MBOAT2: variants seen among roughly 807,000 people sequenced by gnomAD.
The protein encoded by MBOAT2 is membrane bound glycerophospholipid O-acyltransferase 2, also known as membrane-bound glycerophospholipid O-acyltransferase 2.
MBOAT2 carries 28 observed loss-of-function variants against 63.4 expected under a neutral mutation model. That is an observed-to-expected ratio of 0.44 (90% CI 0.33 to 0.61). The LOEUF is 0.61. MBOAT2 is among the 20% of genes least tolerant of loss of function. The pLI, the probability that MBOAT2 is intolerant of heterozygous loss-of-function variation, is 0.03. For missense variants in MBOAT2, 470 were observed against 605.8 expected, an observed-to-expected ratio of 0.78 and a Z score of 2.35; for synonymous variants, 211 against 215.6, an observed-to-expected ratio of 0.98 and a Z score of 0.19.
chr2:8,887,879 A>T (rs1175404858), intron 5 of MBOAT2, 139 bp downstream of exon 5: 3 of 791,360 alleles, frequency 3.8e-6, no homozygotes, highest in Admixed American at 2.1e-5. Context: ...CATAATCCTA[A>T]GCACAGTTAA....
At position 8,974,263 on chromosome 2, in the gene MBOAT2, T is replaced by C. The variant is rs541451211; in HGVS notation, c.76-15621A>G. The C allele has an allele frequency of 4.5e-4, 192 of 424,012 alleles. 1 individual carries two copies. Among genetic ancestry groups the C allele is most frequent in the South Asian group, 3.0e-3 (182 of 60,324 alleles). 26.3% of individuals were successfully genotyped at this position (424,012 alleles called of 1,614,324 possible). On this transcript the variant is annotated intron_variant, in intron 1 of 12. Transcript: ENST00000305997. ...TCACCAACAACTAATTCTGGGAATG[T>C]AACTGTGCTGCAATTCTGTTCAATG...
At chr2:8,902,867 G>T (rs1184124934) in intron 4 of MBOAT2, among the ~76,000 whole-genome samples, 1 of 152,182 alleles carries the variant, frequency 6.6e-6, no homozygotes, top group Non-Finnish European at 1.5e-5. Context: ...GACACAAGTG[G>T]GTTGCTGCTG....
At chr2:8,967,165 T>G (rs1670052887) in intron 1 of MBOAT2, among the ~76,000 whole-genome samples, 1 of 152,048 alleles carries the variant, frequency 6.6e-6, no homozygotes, top group Non-Finnish European at 1.5e-5. Context: ...GACATGAAAA[T>G]GACAATCACT....
chr2:8,923,959 T>G (rs1666760662), intron 3 of MBOAT2, among the ~76,000 whole-genome samples: 1 of 152,168 alleles, frequency 6.6e-6, no homozygotes, highest in Non-Finnish European at 1.5e-5. Context: ...AAACATTATT[T>G]CTGTGGGAGG....
At chr2:8,943,089 A>T in intron 3 of MBOAT2, 98 bp downstream of exon 3, 1 of 650,994 alleles carries the variant, frequency 1.5e-6, no homozygotes, top group Non-Finnish European at 2.4e-6. Context: ...AATTATCACA[A>T]TTCATAATTA....
At position 8,862,705 on chromosome 2, in the gene MBOAT2, G is replaced by T. The variant is rs779729146; in HGVS notation, c.1070C>A (p.Thr357Asn). The T allele has an allele frequency of 1.4e-5, 23 of 1,613,782 alleles. No individual in the cohort carries two copies. Among genetic ancestry groups the T allele is most frequent in the Non-Finnish European group, 1.9e-5 (23 of 1,179,878 alleles). The change falls in exon 11 of 13, where the codon ACC becomes AAC. Residue 357 changes from threonine to asparagine, a missense_variant. Physicochemically the swap from Thr to Asn is moderately conservative, Grantham distance 65. Around this residue, in one of 3 missense-constraint regions of MBOAT2, gnomAD observed 376 missense variants for 503.8 expected, o/e 0.75. Coordinates refer to ENST00000305997, the MANE Select transcript of MBOAT2 (RefSeq NM_138799.4). This position sits in a 1 kb window ranked among gnomAD's most constrained non-coding sequence, Gnocchi z 4.3. ...LWLKRVCYER[T>N]SFSPTIQTFI... is the part of the protein sequence containing the mutation. ...CGTCTGGATAGTTGGACTGAAGGAG[G>T]TTCGTTCATAACACACCCTAGAAAC...
chr2:8,972,560 C>G (rs1670525903), intron 1 of MBOAT2, among the ~76,000 whole-genome samples: 1 of 152,160 alleles, frequency 6.6e-6, no homozygotes, highest in Non-Finnish European at 1.5e-5. Context: ...GCAAAAGAAA[C>G]TACCATCAGA....
chr2:8,929,328 T>C (rs1371015526), intron 3 of MBOAT2, among the ~76,000 whole-genome samples: 1 of 148,690 alleles, frequency 6.7e-6, no homozygotes, highest in East Asian at 1.9e-4. Context: ...TTTTATTTAT[T>C]TGTTCATTCA....
chr2:8,894,739 G>A (rs1289159223), intron 4 of MBOAT2, among the ~76,000 whole-genome samples: 1 of 152,236 alleles, frequency 6.6e-6, no homozygotes, highest in Non-Finnish European at 1.5e-5. Context: ...GGTGTGTCCG[G>A]AGTTTGTTCC....
intron 6 of MBOAT2, among the ~76,000 whole-genome samples, chr2:8,879,978 G>A (rs781280934): frequency 9.9e-5 from 15 of 152,112 alleles, no homozygotes; most frequent in Admixed American, 2.0e-4. Flanking sequence ...TGAATTGAGT[G>A]AGGAAGCGTG....
At chr2:8,918,080 C>T (rs1666316379) in intron 3 of MBOAT2, among the ~76,000 whole-genome samples, 2 of 152,104 alleles carry the variant, frequency 1.3e-5, no homozygotes. Context: ...GGACTGATTG[C>T]AAAGGATCAC....
chr2:8,873,244 G>A lies in MBOAT2; in HGVS notation c.747C>T (p.Thr249=). 1 of 1,614,072 alleles carries A rather than the reference G, an allele frequency of 6.2e-7. No individual in the cohort carries two copies. The highest frequency in any genetic ancestry group is 8.5e-7 in the Non-Finnish European group (1 of 1,179,940). Residue 249 remains threonine (T), a synonymous_variant, in exon 8 of 13, where the codon ACC becomes ACT. Transcript: ENST00000305997. ...ACTCCACAGGTAATGTTGTACAGAT[G>A]GTCAAGTGAAATAACAAGGACAGCC... is the stretch of plus-strand genomic sequence containing the variant. ...VCGLSLLFHL[T]ICTTLPVEYN...
At chr2:8,903,878 A>T (rs1337391110) in intron 4 of MBOAT2, among the ~76,000 whole-genome samples, 2 of 152,090 alleles carry the variant, frequency 1.3e-5, no homozygotes, top group African/African-American at 4.8e-5. Flanking sequence ...CTAGAGAAAA[A>T]TTTTCAATTT....
chr2:8,924,386 G>A (rs1330490268), intron 3 of MBOAT2, among the ~76,000 whole-genome samples: 1 of 152,134 alleles, frequency 6.6e-6, no homozygotes, highest in African/African-American at 2.4e-5. Context: ...AGAATCTTAT[G>A]ATCCTCAATA....
chr2:8,908,506 T>G, intron 4 of MBOAT2, 115 bp downstream of exon 4: 2 of 603,384 alleles, frequency 3.3e-6, no homozygotes, highest in Non-Finnish European at 5.8e-6. Context: ...AATTTTCAAC[T>G]AAAATGTTTA....
chr2:8,964,733 T>C (rs1471815839), intron 1 of MBOAT2, among the ~76,000 whole-genome samples: 2 of 152,258 alleles, frequency 1.3e-5, no homozygotes, highest in Non-Finnish European at 2.9e-5. Context: ...CACTGCTCCA[T>C]ATTCTTGACA....
At chr2:8,948,293 C>A (rs1253376869) in intron 2 of MBOAT2, among the ~76,000 whole-genome samples, 1 of 152,184 alleles carries the variant, frequency 6.6e-6, no homozygotes, top group African/African-American at 2.4e-5. Context: ...GGAGTCTACT[C>A]CTGGTAAAGA....
intron 1 of MBOAT2, among the ~76,000 whole-genome samples, chr2:8,979,582 G>C (rs1671061756): frequency 6.6e-6 from 1 of 152,040 alleles, no homozygotes; most frequent in African/African-American, 2.4e-5. Context: ...ATACTTGCAA[G>C]CTCATGTTTC....
At chr2:8,930,023 G>A (rs1667207263) in intron 3 of MBOAT2, among the ~76,000 whole-genome samples, 1 of 152,102 alleles carries the variant, frequency 6.6e-6, no homozygotes, top group Non-Finnish European at 1.5e-5. Flanking sequence ...AATGTTAAAA[G>A]CCCATTTTTC....
Sources: gnomAD v4.1 joint callset for allele counts (sites outside exome capture counted in the v4.1 genomes callset) on GRCh38, gnomAD v4.1.1 for gene constraint, gnomAD v4.1.1 regional missense constraint, Gnocchi (gnomAD v3.1) non-coding constraint, MANE v1.5 for transcripts, NCBI Gene and HGNC (gene_info 2026-07-23, HGNC 2026-07-21) for gene names.